The following COASY variants were observed in gnomAD, a reference collection of about 807,000 sequenced individuals.
The protein encoded by COASY is bifunctional coenzyme A synthase.
In COASY, 31 loss-of-function variants were observed where a neutral mutation model predicts 49.4. The ratio of observed to expected loss-of-function variants is 0.63; its 90% CI spans 0.47 to 0.85. COASY has a LOEUF of 0.85. COASY is among the 40% of genes least tolerant of loss of function. The pLI, the probability that COASY is intolerant of heterozygous loss-of-function variation, is 0.00. For synonymous variants in COASY, 285 were observed against 310.9 expected, an observed-to-expected ratio of 0.92 and a Z score of 0.88; for missense variants, 730 against 734.1, an observed-to-expected ratio of 0.99 and a Z score of 0.06.
Position 42,562,714 on chromosome 17 carries a change from G to T in COASY, c.92G>T (p.Arg31Leu), listed in dbSNP as rs757650180. ...GCCTCCATCCTGACCTCGGCGGCCC[G>T]GCTGGTGAATCACACACTCTATGTT... ...RLASILTSAA[R>L]LVNHTLYVHL... is the part of the protein sequence containing the mutation. Residue 31 changes from arginine (R) to leucine (L), a missense_variant, in exon 1 of 9, where the codon CGG (arginine) becomes CTG (leucine). By Grantham distance (102) the Arg-to-Leu change is moderately radical. Transcript: ENST00000393818. 1 of 1,572,200 alleles carries T rather than the reference G, an allele frequency of 6.4e-7. No individual in the cohort carries two copies. The highest frequency in any genetic ancestry group is 8.6e-7 in the Non-Finnish European group (1 of 1,157,892).
At chr17:42,563,861 C>G in intron 1 of COASY, 100 bp from the exon 2 acceptor site, 1 of 910,960 alleles carries the variant, frequency 1.1e-6, no homozygotes, top group Non-Finnish European at 1.7e-6. Context: ...TCTGCCACCC[C>G]CTCTGGGGAT....
At chr17:42,563,420 C>T (rs1173976774) in intron 1 of COASY, 98 bp downstream of exon 1, 11 of 1,110,466 alleles carry the variant, frequency 9.9e-6, no homozygotes, top group Admixed American at 5.5e-5. Flanking sequence ...CCATTCATTA[C>T]TTCCCACCCT....
chr17:42,565,985 C>T lies in COASY; in HGVS notation c.*17C>T. 4 of 1,613,372 alleles carry T rather than the reference C, an allele frequency of 2.5e-6. No individual in the cohort carries two copies. The highest frequency in any genetic ancestry group is 3.4e-6 in the Non-Finnish European group (4 of 1,179,726). ...CTCGACTGAAAAGTTCTCAGTGGGG[C>T]CAGACTGGCTCCTGGAGCTGACAAG... On this transcript the variant is annotated 3_prime_UTR_variant, in exon 9 of 9. Transcript: ENST00000393818.
Position 42,566,107 on chromosome 17 carries a change from G to A in COASY, c.*139G>A. On this transcript the variant is annotated 3_prime_UTR_variant, in exon 9 of 9. Coordinates refer to ENST00000393818, the MANE Select transcript of COASY (RefSeq NM_025233.7). Reference sequence around the variant, plus strand: ...TGTGCAGGACATGGCCAGGCCTGGTGGACACAGGAAGCCTACCCAACACGC... The same window carrying A: ...TGTGCAGGACATGGCCAGGCCTGGTAGACACAGGAAGCCTACCCAACACGC... 1.1e-6 allele frequency: 1 copy of A among 876,818 alleles called. No individual in the cohort carries two copies. The highest frequency in any genetic ancestry group is 1.8e-6 in the Non-Finnish European group (1 of 555,084). The allele number at this position is 876,818 out of a possible 1,614,324, so 54.3% of individuals were successfully genotyped here.
intron 1 of COASY, 68 bp downstream of exon 1, chr17:42,563,390 G>T: frequency 7.0e-7 from 1 of 1,418,876 alleles, no homozygotes; most frequent in Non-Finnish European, 9.5e-7. Flanking sequence ...CCCTTATGCC[G>T]AGATCAAGGA....
chr17:42,562,251 C>T lies in COASY; in HGVS notation c.-372C>T. 2 of 603,966 alleles carry T rather than the reference C, an allele frequency of 3.3e-6. No individual in the cohort carries two copies. The highest frequency in any genetic ancestry group is 3.0e-5 in the East Asian group (1 of 33,388). 37.4% of individuals were successfully genotyped at this position (603,966 alleles called of 1,614,324 possible). On this transcript the variant is annotated 5_prime_UTR_variant, in exon 1 of 9. Transcript: ENST00000393818. ...AGGGGGCCGACGTGAGCTTTAGCGT[C>T]CCCCTTTAGCCTCCCTCTTCGATTC...
At position 42,564,514 on chromosome 17, in the gene COASY, G is replaced by T. The variant is rs1409704711; in HGVS notation, c.984G>T (p.Glu328Asp). Residue 328 changes from glutamate to aspartate, a missense_variant, in exon 3 of 9, where the codon GAG becomes GAT. Coordinates refer to ENST00000393818, the MANE Select transcript of COASY (RefSeq NM_025233.7). ...ACCTCAGACATACAGAGAATGAAGA[G>T]GACAAAGTCAGCTCCTCCAGCTTCC... ...LKDLRHTENE[E>D]DKVSSSSFRQ... The T allele has an allele frequency of 6.2e-7, 1 of 1,613,304 alleles. No homozygotes were observed.
chr17:42,563,369 C>G (rs1417033677), intron 1 of COASY, 47 bp downstream of exon 1: 1 of 1,432,622 alleles, frequency 7.0e-7, no homozygotes, highest in South Asian at 1.3e-5. Flanking sequence ...CCCAAATCTC[C>G]CCACCCCCGA....
In COASY at chr17:42,564,009, A is replaced by G. The variant is rs765118088; in HGVS notation, c.749A>G (p.His250Arg). 1.9e-6 allele frequency: 3 copies of G among 1,613,964 alleles called. No individual in the cohort carries two copies. The African/African-American group carries it at 4.0e-5, about 22-fold the overall frequency. The change falls in exon 2 of 9, where the codon CAT becomes CGT. Residue 250 changes from histidine to arginine, a missense_variant. Transcript: ENST00000393818. ...CAACCTTATACAGAACGTGTGGAAC[A>G]TCTGAGTGAATTCCTGGTGGACATC... ...LLQPYTERVE[H>R]LSEFLVDIKP...
At position 42,566,007 on chromosome 17, in the gene COASY, C is replaced by A; in HGVS notation, c.*39C>A. The A allele has an allele frequency of 6.2e-7, 1 of 1,606,830 alleles. No homozygotes were observed. The highest frequency in any genetic ancestry group is 1.1e-5 in the South Asian group (1 of 90,918). On this transcript the variant is annotated 3_prime_UTR_variant, in exon 9 of 9. Coordinates refer to ENST00000393818, the MANE Select transcript of COASY (RefSeq NM_025233.7). ...GGGCCAGACTGGCTCCTGGAGCTGACAAGCGACCCCGTGGTGAGGAGAAAT... is the reference window on the plus strand; with the variant it reads ...GGGCCAGACTGGCTCCTGGAGCTGAAAAGCGACCCCGTGGTGAGGAGAAAT...
At chr17:42,565,086 A>G (rs2143215555) in intron 5 of COASY, 39 bp downstream of exon 5, 2 of 1,604,110 alleles carry the variant, frequency 1.2e-6, no homozygotes, top group East Asian at 4.5e-5. Context: ...AGCCGCTACT[A>G]GACCCAGGGG....
At chr17:42,564,923 T>C (rs2092994645) in intron 4 of COASY, 25 bp downstream of exon 4, 1 of 1,613,830 alleles carries the variant, frequency 6.2e-7, no homozygotes, top group Non-Finnish European at 8.5e-7. Context: ...AGGCTGAAAG[T>C]GGCCTGGAGT....
In COASY at chr17:42,562,385, C is replaced by G. The variant is rs749098593; in HGVS notation, c.-238C>G. The G allele has an allele frequency of 6.2e-7, 1 of 1,610,906 alleles. No individual in the cohort carries two copies. The highest frequency in any genetic ancestry group is 1.1e-5 in the South Asian group (1 of 90,986). On this transcript the variant is annotated 5_prime_UTR_variant, in exon 1 of 9. Coordinates refer to ENST00000393818, the MANE Select transcript of COASY (RefSeq NM_025233.7). Reference sequence around the variant, plus strand: ...CCCCTCCCAGGATTTCGACTCAGTTCAGCGAAGTCACCGCCCCGTCTGAGA... The same window carrying G: ...CCCCTCCCAGGATTTCGACTCAGTTGAGCGAAGTCACCGCCCCGTCTGAGA...
At position 42,564,821 on chromosome 17, in the gene COASY, A is replaced by G. The variant is rs1392441519; in HGVS notation, c.1160A>G (p.Asp387Gly). ...RLKGLGAFVI[D>G]SDHLGHRAYA... ...AAGGGCCTGGGGGCGTTTGTCATTG[A>G]CAGTGACCACCTGGGTCATCGGGCC... is the stretch of plus-strand genomic sequence containing the variant. Residue 387 changes from aspartate (D) to glycine (G), a missense_variant, in exon 4 of 9, where the codon GAC becomes GGC. By Grantham distance (94) the Asp-to-Gly change is moderately conservative. Transcript: ENST00000393818. 1 of 1,564,690 alleles carries G rather than the reference A, an allele frequency of 6.4e-7. No homozygotes were observed. The highest frequency in any genetic ancestry group is 2.2e-5 in the East Asian group (1 of 44,600).
chr17:42,563,337 C>G lies in COASY; in HGVS notation c.700+15C>G. ...TCTGTTGAAGAGTGAGTAAGAGGGA[C>G]CCTGGACTAGGGTGGAGGATCCCCA... is the stretch of plus-strand genomic sequence containing the variant. On this transcript the variant is annotated intron_variant, in intron 1 of 8. Transcript: ENST00000393818. The G allele has an allele frequency of 1.3e-6, 2 of 1,566,272 alleles. No homozygotes were observed. The highest frequency in any genetic ancestry group is 1.7e-6 in the Non-Finnish European group (2 of 1,155,568).
In COASY at chr17:42,562,359, C is replaced by T. The variant is rs1013800831; in HGVS notation, c.-264C>T. On this transcript the variant is annotated 5_prime_UTR_variant, in exon 1 of 9. Transcript: ENST00000393818. ...TGTGACAAGGGTTCCTGTCCAGTTT[C>T]CCCCTCCCAGGATTTCGACTCAGTT... is the stretch of plus-strand genomic sequence containing the variant. 9.1e-6 allele frequency: 14 copies of T among 1,541,420 alleles called. No individual in the cohort carries two copies. In the Admixed American group the frequency reaches 1.5e-4, roughly 17 times the overall value.
Position 42,565,950 on chromosome 17 carries a change from T to A in COASY, c.1677T>A (p.Thr559=), listed in dbSNP as rs2093002703. 1 of 1,613,694 alleles carries A rather than the reference T, an allele frequency of 6.2e-7. No individual in the cohort carries two copies. The highest frequency in any genetic ancestry group is 1.7e-5 in the Admixed American group (1 of 60,000). Reference sequence around the variant, plus strand: ...TCTTGCAGAAGCGCATTCCCAAGACTCATCAGGCCCTCGACTGAAAAGTTC... The same window carrying A: ...TCTTGCAGAAGCGCATTCCCAAGACACATCAGGCCCTCGACTGAAAAGTTC... ...WALLQKRIPK[T]HQALD Residue 559 remains threonine (T), a synonymous_variant, in exon 9 of 9, where the codon ACT becomes ACA. Transcript: ENST00000393818.
In COASY at chr17:42,565,244, C is replaced by T. The variant is rs762035640; in HGVS notation, c.1320C>T (p.Leu440=). 6.2e-7 allele frequency: 1 copy of T among 1,614,102 alleles called. No homozygotes were observed. Among genetic ancestry groups the T allele is most frequent in the Non-Finnish European group, 8.5e-7 (1 of 1,180,012 alleles). ...CTCCCCAGAAGCAGCTGAAGATACT[C>T]ACGGACATTATGTGGCCAATTATCG... ...VFGNKKQLKI[L]TDIMWPIIAK... The change falls in exon 6 of 9, where the codon CTC becomes CTT. Residue 440 remains leucine, a synonymous_variant. Coordinates refer to ENST00000393818, the MANE Select transcript of COASY (RefSeq NM_025233.7).
At chr17:42,563,437 A>C in intron 1 of COASY, 115 bp downstream of exon 1, 6 of 999,252 alleles carry the variant, frequency 6.0e-6, no homozygotes, top group Non-Finnish European at 8.6e-6. Context: ...CCCTTCCCAA[A>C]TGTCACAGTG....
Sources: gnomAD v4.1 joint callset for allele counts on GRCh38, gnomAD v4.1.1 for gene constraint, MANE v1.5 for transcripts, NCBI Gene and HGNC (gene_info 2026-07-23, HGNC 2026-07-21) for gene names.